ATP13A4: variants seen among roughly 807,000 people sequenced by gnomAD.
ATP13A4 encodes probable cation-transporting ATPase 13A4.
ATP13A4 carries 114 observed loss-of-function variants against 142.5 expected under a neutral mutation model. The ratio of observed to expected loss-of-function variants is 0.80; its 90% CI spans 0.69 to 0.93. The LOEUF (loss-of-function observed/expected upper bound fraction) is 0.93, where lower values mean the gene tolerates loss of function less well. ATP13A4 is among the 40% of genes least tolerant of loss of function. The pLI is 0.00. For synonymous variants in ATP13A4, 488 were observed against 514.8 expected (o/e 0.95, Z 0.70); for missense variants, 1,392 against 1,454.0 (o/e 0.96, Z 0.69).
intron 2 of ATP13A4, among the ~76,000 whole-genome samples, chr3:193,509,548 T>C (rs1467561910): frequency 6.6e-6 from 1 of 152,214 alleles, no homozygotes; most frequent in Non-Finnish European, 1.5e-5. Context: ...AAAATGGAGA[T>C]GATAATGCCC....
In ATP13A4 at chr3:193,509,479, C is replaced by T. The variant is rs189022740; in HGVS notation, c.234+5219G>A. On this transcript the variant is annotated intron_variant, in intron 2 of 29. Transcript: ENST00000342695. Reference sequence around the variant, plus strand: ...AAGAGAGAGATATAAGGAAGGAAAGCCTGGCTTTGATATTTACTGGGTTGT... The same window carrying T: ...AAGAGAGAGATATAAGGAAGGAAAGTCTGGCTTTGATATTTACTGGGTTGT... Among the ~76,000 whole-genome samples the T allele has an allele frequency of 1.3e-3, 204 of 152,238 alleles. 1 individual carries two copies. The highest frequency in any genetic ancestry group is 2.2e-3 in the Admixed American group (33 of 15,282).
chr3:193,431,558 C>T (rs777147628), intron 25 of ATP13A4, among the ~76,000 whole-genome samples: 77 of 151,726 alleles, frequency 5.1e-4, no homozygotes, highest in Non-Finnish European at 7.7e-4. Flanking sequence ...GCAAATTGCT[C>T]ACTACACATT....
intron 1 of ATP13A4, among the ~76,000 whole-genome samples, chr3:193,529,042 T>C (rs955852369): frequency 1.3e-5 from 2 of 152,024 alleles, no homozygotes; most frequent in African/African-American, 2.4e-5. Flanking sequence ...GAGGCTGAGG[T>C]GGGCAGATCA....
Position 193,470,358 on chromosome 3 carries a change from C to T in ATP13A4, c.943+501G>A, listed in dbSNP as rs58831045. Among the ~76,000 whole-genome samples, 513 of 152,274 alleles carry T rather than the reference C, an allele frequency of 3.4e-3. 4 individuals are homozygous for T. Among genetic ancestry groups the T allele is most frequent in the African/African-American group, 0.012 (481 of 41,544 alleles). On this transcript the variant is annotated intron_variant, in intron 9 of 29. Transcript: ENST00000342695. ...TTAGTCCATAACACCCAGTTTTGGA[C>T]TGGAAGCAGCAGCTTTACCAAATGC... is the stretch of plus-strand genomic sequence containing the variant.
rs1714793497 is a variant in ATP13A4 at position 193,412,121 on chromosome 3, A to T, written c.3208+57T>A. The stretch of plus-strand genomic sequence containing the variant: ...AAGCTGTTCCCTAAGTGACCTGGAC[A>T]TGTCTGTTCCCCTCTCTGATGACTT... On this transcript the variant is annotated intron_variant, in intron 27 of 29. Coordinates refer to ENST00000342695, the MANE Select transcript of ATP13A4 (RefSeq NM_032279.4). 3 of 1,469,814 alleles carry T rather than the reference A, an allele frequency of 2.0e-6. No individual in the cohort carries two copies. In the Admixed American group the frequency reaches 5.0e-5, roughly 25 times the overall value. 91.0% of individuals were successfully genotyped at this position (1,469,814 alleles called of 1,614,324 possible).
At chr3:193,539,502 G>C (rs1356061458) in intron 1 of ATP13A4, among the ~76,000 whole-genome samples, 1 of 152,218 alleles carries the variant, frequency 6.6e-6, no homozygotes, top group East Asian at 1.9e-4. Context: ...AACCTGGCTG[G>C]AGAAAGAATA....
intron 1 of ATP13A4, among the ~76,000 whole-genome samples, chr3:193,590,098 T>C (rs1724735321): frequency 6.6e-6 from 1 of 152,142 alleles, no homozygotes; most frequent in Non-Finnish European, 1.5e-5. Context: ...ATCATTTCAC[T>C]GAGACCAGGG....
chr3:193,498,859 T>C (rs1720386814), intron 3 of ATP13A4, among the ~76,000 whole-genome samples: 1 of 152,200 alleles, frequency 6.6e-6, no homozygotes, highest in Admixed American at 6.5e-5. Flanking sequence ...TGCAAGAATA[T>C]TATAGTCATT....
At chr3:193,573,288 TACACATATATATATATATAC>T (rs1724317227) in intron 2 of ATP13A4, among the ~76,000 whole-genome samples, 1 of 76,860 alleles carries the variant, frequency 1.3e-5, no homozygotes, top group African/African-American at 6.6e-5. Context: ...TATATATATA[TACACATATATATATATATAC>T]ATATATATAT....
In ATP13A4 at chr3:193,410,966, C is replaced by G; in HGVS notation, c.3297+16G>C. 6.6e-7 allele frequency: 1 copy of G among 1,507,766 alleles called. No individual in the cohort carries two copies. The allele number at this position is 1,507,766 out of a possible 1,614,324, so 93.4% of individuals were successfully genotyped here. On this transcript the variant is annotated intron_variant, in intron 28 of 29. Coordinates refer to ENST00000342695, the MANE Select transcript of ATP13A4 (RefSeq NM_032279.4). The stretch of plus-strand genomic sequence containing the variant: ...ATAACTGTAAAGCATCATCATATCC[C>G]AAAGATTAGACTTACATCCAAACGT...
At position 193,405,052 on chromosome 3, in the gene ATP13A4, C is replaced by A. The variant is rs766784361; in HGVS notation, c.3379-2188G>T. 6.3e-4 allele frequency among the ~76,000 whole-genome samples: 96 copies of A among 152,152 alleles called. 1 individual carries two copies. Among genetic ancestry groups the A allele is most frequent in the African/African-American group, 2.3e-3 (94 of 41,446 alleles). ...TAGTAAGGATAAGGTCCTGCTCAAA[C>A]CTGTTTGTTTTCAGGGCTGATCAGA... is the stretch of plus-strand genomic sequence containing the variant. On this transcript the variant is annotated intron_variant, in intron 29 of 29. Transcript: ENST00000342695.
chr3:193,493,032 A>C (rs1720027945), intron 4 of ATP13A4, 35 bp from the exon 5 acceptor site: 1 of 1,602,624 alleles, frequency 6.2e-7, no homozygotes, highest in Admixed American at 1.7e-5. Flanking sequence ...CATATTTAGC[A>C]ATAATATTTT....
At chr3:193,467,592 C>T (rs967048706) in intron 9 of ATP13A4, 106 bp from the exon 10 acceptor site, 7 of 1,177,240 alleles carry the variant, frequency 5.9e-6, no homozygotes, top group Non-Finnish European at 8.9e-6. Flanking sequence ...GTGAGCCTAC[C>T]ATGTGGCAGA....
intron 1 of ATP13A4, among the ~76,000 whole-genome samples, chr3:193,533,717 T>C (rs1454184295): frequency 6.6e-6 from 1 of 152,220 alleles, no homozygotes; most frequent in Admixed American, 6.5e-5. Flanking sequence ...TGGTCCCACC[T>C]AACCAGCAAC....
intron 1 of ATP13A4, among the ~76,000 whole-genome samples, chr3:193,544,923 G>T (rs1723139083): frequency 6.6e-6 from 1 of 152,026 alleles, no homozygotes; most frequent in East Asian, 1.9e-4. Flanking sequence ...TGCCAGATTT[G>T]GGTATATTAT....
intron 25 of ATP13A4, among the ~76,000 whole-genome samples, chr3:193,429,500 G>T (rs1245313649): frequency 6.6e-6 from 1 of 152,024 alleles, no homozygotes; most frequent in East Asian, 1.9e-4. Flanking sequence ...TTACAAAATG[G>T]ATTATACTAA....
intron 25 of ATP13A4, among the ~76,000 whole-genome samples, chr3:193,426,086 T>C (rs771981352): frequency 1.3e-5 from 2 of 151,744 alleles, no homozygotes; most frequent in Admixed American, 1.3e-4. Context: ...ACCATCTCTA[T>C]GCACTGATGA....
Position 193,400,223 on chromosome 3 carries a change from T to C in ATP13A4, c.*2429A>G, listed in dbSNP as rs1050662627. ...ACTCCCTGTTCCTTCAATTACTGCT[T>C]CTAAGATGTAGTTAATCCCAGGAAT... is the stretch of plus-strand genomic sequence containing the variant. On this transcript the variant is annotated 3_prime_UTR_variant, in exon 30 of 30. Transcript: ENST00000342695. Among the ~76,000 whole-genome samples, 4 of 152,232 alleles carry C rather than the reference T, an allele frequency of 2.6e-5. No homozygotes were observed. The highest frequency in any genetic ancestry group is 9.6e-5 in the African/African-American group (4 of 41,464).
rs1436665058 is a variant in ATP13A4 at position 193,402,556 on chromosome 3, A to G, written c.*96T>C. 2.7e-6 allele frequency: 2 copies of G among 728,574 alleles called. No homozygotes were observed. The highest frequency in any genetic ancestry group is 3.5e-5 in the African/African-American group (2 of 56,678). The allele number at this position is 728,574 out of a possible 1,614,324, so 45.1% of individuals were successfully genotyped here. On this transcript the variant is annotated 3_prime_UTR_variant, in exon 30 of 30. Coordinates refer to ENST00000342695, the MANE Select transcript of ATP13A4 (RefSeq NM_032279.4). ...ATTTGATAGGTAGCCCCAAAACTCCAGCTGATGTTACAAGAGTCTCATTTC... is the reference window on the plus strand; with the variant it reads ...ATTTGATAGGTAGCCCCAAAACTCCGGCTGATGTTACAAGAGTCTCATTTC...
Sources: allele counts gnomAD v4.1 joint callset (sites outside exome capture counted in the v4.1 genomes callset), GRCh38; gene constraint gnomAD v4.1.1; transcripts MANE v1.5; gene names NCBI Gene and HGNC (gene_info 2026-07-23, HGNC 2026-07-21).